PPP4R3B: variants seen among roughly 807,000 people sequenced by gnomAD.
The protein encoded by PPP4R3B is serine/threonine-protein phosphatase 4 regulatory subunit 3B.
PPP4R3B carries 52 observed loss-of-function variants against 95.4 expected under a neutral mutation model. That is an observed-to-expected ratio of 0.54 (90% confidence interval 0.44 to 0.69). PPP4R3B has a LOEUF of 0.69. PPP4R3B is among the 30% of genes least tolerant of loss of function. PPP4R3B has a pLI of 0.00. For missense variants in PPP4R3B, 1,003 were observed against 1,005.9 expected (o/e 1.00, Z 0.04); for synonymous variants, 407 against 343.9 (o/e 1.18, Z -2.03).
intron 3 of PPP4R3B, among the ~76,000 whole-genome samples, chr2:55,603,435 T>G (rs938073224): frequency 6.6e-6 from 1 of 152,324 alleles, no homozygotes; most frequent in Middle Eastern, 3.4e-3. Context: ...TAAGAGGAGA[T>G]GTTTGTCTTC....
chr2:55,580,826 G>C (rs1448200537), intron 8 of PPP4R3B, among the ~76,000 whole-genome samples: 1 of 152,072 alleles, frequency 6.6e-6, no homozygotes, highest in Admixed American at 6.6e-5. Flanking sequence ...ATATTCTGGA[G>C]TATCTAATCC....
At chr2:55,603,885 C>G (rs2103755742) in intron 3 of PPP4R3B, 93 bp downstream of exon 3, 1 of 774,726 alleles carries the variant, frequency 1.3e-6, no homozygotes, top group Non-Finnish European at 2.0e-6. Flanking sequence ...AAGACACTAT[C>G]TCGCCACATC....
At chr2:55,602,947 T>C (rs567362120) in intron 3 of PPP4R3B, among the ~76,000 whole-genome samples, 1 of 152,038 alleles carries the variant, frequency 6.6e-6, no homozygotes. Flanking sequence ...CAAAAATTTC[T>C]AGGACGAATA....
At position 55,558,794 on chromosome 2, in the gene PPP4R3B, G is replaced by A. The variant is rs777033104; in HGVS notation, c.2435C>T (p.Thr812Met). 1.2e-5 allele frequency: 19 copies of A among 1,610,280 alleles called. No homozygotes were observed. Among genetic ancestry groups the A allele is most frequent in the East Asian group, 2.2e-5 (1 of 44,734 alleles). ...ACCTACCTTGGTGGCTGTTACTGAC[G>A]TAGGCAAGTTTGTGGTTTTGGAAGA... ...GSSSKTTNLP[T>M]SVTATKGSLV... The change falls in exon 16 of 17, where the codon ACG (threonine) becomes ATG (methionine). Residue 812 changes from threonine (T) to methionine (M), a missense_variant. This residue lies in a region of PPP4R3B where 229 missense variants were observed against 194.7 expected (regional missense o/e 1.18). Transcript: ENST00000616407.
chr2:55,562,734 C>T (rs1006863984), intron 15 of PPP4R3B, among the ~76,000 whole-genome samples: 1 of 152,152 alleles, frequency 6.6e-6, no homozygotes, highest in African/African-American at 2.4e-5. Flanking sequence ...CGGATCATAA[C>T]AAAATTAGCC....
At chr2:55,599,120 G>A (rs1692208479) in intron 3 of PPP4R3B, 81 bp from the exon 4 acceptor site, 1 of 1,273,530 alleles carries the variant, frequency 7.9e-7, no homozygotes, top group Non-Finnish European at 1.1e-6. Flanking sequence ...ATTTGGAAAT[G>A]CCTGGCTAGT....
chr2:55,552,520 A>C (rs1685367015), intron 16 of PPP4R3B, among the ~76,000 whole-genome samples: 2 of 152,124 alleles, frequency 1.3e-5, no homozygotes, highest in Admixed American at 6.5e-5. Flanking sequence ...CAGCCACCCA[A>C]GTAGCTTGGG....
intron 2 of PPP4R3B, among the ~76,000 whole-genome samples, chr2:55,613,512 A>G (rs1255671111): frequency 6.6e-6 from 1 of 152,204 alleles, no homozygotes; most frequent in Non-Finnish European, 1.5e-5. Flanking sequence ...AATGCTAATT[A>G]TCTAGAACTA....
At chr2:55,568,084 T>C (rs1450813245) in intron 13 of PPP4R3B, 110 bp downstream of exon 13, 6 of 664,492 alleles carry the variant, frequency 9.0e-6, no homozygotes, top group Admixed American at 8.3e-5. Context: ...GAATATATAA[T>C]TTCAGGGGTG....
In PPP4R3B at chr2:55,556,269, A is replaced by G. The variant is rs576646138; in HGVS notation, c.2454+2506T>C. 1.4e-4 allele frequency among the ~76,000 whole-genome samples: 21 copies of G among 152,340 alleles called. No individual in the cohort carries two copies. The South Asian group carries it at 4.3e-3, about 32-fold the overall frequency. ...TCCCAAGAACACTGTTTTTATCCCT[A>G]TCTCTAAAAAGGATGTATAACAGAT... On this transcript the variant is annotated intron_variant, in intron 16 of 16. Transcript: ENST00000616407.
intron 12 of PPP4R3B, among the ~76,000 whole-genome samples, chr2:55,572,731 C>G (rs1354830717): frequency 6.6e-6 from 1 of 152,050 alleles, no homozygotes; most frequent in Non-Finnish European, 1.5e-5. Context: ...AGAAATAAAT[C>G]AGTACTTAAA....
chr2:55,608,930 T>TA (rs1227142747), intron 2 of PPP4R3B, among the ~76,000 whole-genome samples: 2 of 152,100 alleles, frequency 1.3e-5, no homozygotes, highest in African/African-American at 4.8e-5. Flanking sequence ...GCGTGAGACT[T>TA]AATCATGCCA....
In PPP4R3B at chr2:55,604,028, TCA is replaced by T; in HGVS notation, c.245_246del (p.Leu82GlnfsTer9). Reference sequence around the variant, plus strand: ...TCACAGCCAGCTTTCTCCTGAAAACTCAGAGCCAAATCATAGTTCTCTGCTTC... The same window carrying T: ...TCACAGCCAGCTTTCTCCTGAAAACTGAGCCAAATCATAGTTCTCTGCTTC... The part of the protein sequence containing the change: ...WSEAENYDLA[L>X]SFQEKAGCDE... On this transcript the variant is annotated frameshift_variant, in exon 3 of 17. Coordinates refer to ENST00000616407, the MANE Select transcript of PPP4R3B (RefSeq NM_001122964.3). LOFTEE classifies it high-confidence loss of function. 1 of 1,610,736 alleles carries T rather than the reference TCA, an allele frequency of 6.2e-7. No homozygotes were observed. Among genetic ancestry groups the T allele is most frequent in the Non-Finnish European group, 8.5e-7 (1 of 1,178,768 alleles).
At chr2:55,597,446 C>T (rs1193412925) in intron 4 of PPP4R3B, among the ~76,000 whole-genome samples, 3 of 152,070 alleles carry the variant, frequency 2.0e-5, no homozygotes, top group Non-Finnish European at 4.4e-5. Flanking sequence ...AATGGTGAAA[C>T]CTTGTCTCTA....
At chr2:55,575,076 T>A (rs770055864) in intron 11 of PPP4R3B, among the ~76,000 whole-genome samples, 2 of 150,152 alleles carry the variant, frequency 1.3e-5, no homozygotes, top group Non-Finnish European at 3.0e-5. Flanking sequence ...TAGCTGGGAC[T>A]ACAGGCGCCC....
intron 2 of PPP4R3B, among the ~76,000 whole-genome samples, chr2:55,608,950 T>C (rs1187672179): frequency 1.3e-5 from 2 of 152,152 alleles, no homozygotes; most frequent in African/African-American, 4.8e-5. Flanking sequence ...ACCGTGCTTT[T>C]GGCTGGGAGA....
In PPP4R3B at chr2:55,547,365, A is replaced by G. The variant is rs573701081; in HGVS notation, c.*2546T>C. 9.8e-5 allele frequency: 15 copies of G among 152,324 alleles called. No homozygotes were observed. The highest frequency in any genetic ancestry group is 3.4e-4 in the African/African-American group (14 of 41,574). 9.4% of individuals were successfully genotyped at this position (152,324 alleles called of 1,614,324 possible). ...TGTTTACAGATACCATTTTAAGAAGACCTAAGGCATACAAATGTGGGCTTT... is the reference window on the plus strand; with the variant it reads ...TGTTTACAGATACCATTTTAAGAAGGCCTAAGGCATACAAATGTGGGCTTT... On this transcript the variant is annotated 3_prime_UTR_variant, in exon 17 of 17. Coordinates refer to ENST00000616407, the MANE Select transcript of PPP4R3B (RefSeq NM_001122964.3).
At chr2:55,617,057 G>T in intron 1 of PPP4R3B, 87 bp downstream of exon 1, 1 of 1,457,196 alleles carries the variant, frequency 6.9e-7, no homozygotes, top group Non-Finnish European at 9.2e-7. Flanking sequence ...CGAAGGAGTA[G>T]CAACGGTAAC....
At position 55,599,129 on chromosome 2, in the gene PPP4R3B, G is replaced by A. The variant is rs543915300; in HGVS notation, c.298-90C>T. 1,986 of 1,192,108 alleles carry A rather than the reference G, an allele frequency of 1.7e-3. 7 individuals carry two copies. Among genetic ancestry groups the A allele is most frequent in the South Asian group, 3.0e-3 (192 of 63,230 alleles). 73.8% of individuals were successfully genotyped at this position (1,192,108 alleles called of 1,614,324 possible). A position where few individuals can be genotyped will look rare whatever the true frequency, so the allele number is the denominator to read the frequency against. ...CAAATCATTTGGAAATGCCTGGCTA[G>A]TCACTACTAATTAAAAGTGAAGTCT... On this transcript the variant is annotated intron_variant, in intron 3 of 16. Coordinates refer to ENST00000616407, the MANE Select transcript of PPP4R3B (RefSeq NM_001122964.3).
Sources: allele counts gnomAD v4.1 joint callset (sites outside exome capture counted in the v4.1 genomes callset), GRCh38; gene constraint gnomAD v4.1.1; regional missense constraint gnomAD v4.1.1; transcripts MANE v1.5; gene names NCBI Gene and HGNC (gene_info 2026-07-23, HGNC 2026-07-21).